SPG7: variants seen among roughly 807,000 people sequenced by gnomAD.
SPG7 encodes SPG7 matrix AAA peptidase subunit, paraplegin, also known as mitochondrial inner membrane m-AAA protease component paraplegin.
In SPG7, 103 loss-of-function variants were observed where a neutral mutation model predicts 81.9. That is an observed-to-expected ratio of 1.26 (90% CI 1.07 to 1.48). SPG7 has a LOEUF of 1.48. Ranked by LOEUF, SPG7 falls within the 40% of genes most tolerant of loss-of-function variation. The probability of loss-of-function intolerance (pLI) is 0.00; values close to 1 mark genes in which losing one functional copy is unlikely to be tolerated. For missense variants in SPG7, 1,241 were observed against 1,087.3 expected, an observed-to-expected ratio of 1.14 and a Z score of -1.99; for synonymous variants, 534 against 444.2, an observed-to-expected ratio of 1.20 and a Z score of -2.54.
rs1488645861 is a variant in SPG7 at position 89,529,518 on chromosome 16, T to C, written c.800T>C (p.Ile267Thr). 1 of 1,614,030 alleles carries C rather than the reference T, an allele frequency of 6.2e-7. No homozygotes were observed. Residue 267 changes from isoleucine (I) to threonine (T), a missense_variant, in exon 6 of 17, where the codon ATC becomes ACC. Coordinates refer to ENST00000645818, the MANE Select transcript of SPG7 (RefSeq NM_003119.4). ...GGGATGACGGCAGTGGGCCTGGCCA[T>C]CCTGTGGTATGTTTTCCGTCTGGCC... ...SVGMTAVGLA[I>T]LWYVFRLAGM...
At chr16:89,534,762 A>G (rs1337557889) in intron 9 of SPG7, among the ~76,000 whole-genome samples, 1 of 152,248 alleles carries the variant, frequency 6.6e-6, no homozygotes, top group East Asian at 1.9e-4. Context: ...AGCTCCCTGA[A>G]GGCTGACTGT....
intron 3 of SPG7, 131 bp from the exon 4 acceptor site, chr16:89,523,875 G>A (rs747192253): frequency 7.9e-6 from 9 of 1,139,868 alleles, no homozygotes; most frequent in Middle Eastern, 1.9e-4. Flanking sequence ...AGAATTGGAG[G>A]AAGTGCAGGA....
intron 9 of SPG7, chr16:89,541,579 C>A: frequency 6.5e-6 from 1 of 154,716 alleles, no homozygotes; most frequent in Non-Finnish European, 1.4e-5. Flanking sequence ...GGTGAGAGCA[C>A]ATAGGAGTGG....
chr16:89,551,917 G>C (rs141341330), intron 13 of SPG7: 1 of 152,292 alleles, frequency 6.6e-6, no homozygotes, highest in Non-Finnish European at 1.5e-5. Context: ...AATTTTTACT[G>C]TATTTGATGG....
At chr16:89,528,145 C>G (rs999847767) in intron 5 of SPG7, among the ~76,000 whole-genome samples, 5 of 150,620 alleles carry the variant, frequency 3.3e-5, no homozygotes, top group African/African-American at 1.2e-4. Flanking sequence ...AATTCCAGCA[C>G]TTTGGGAGGC....
At chr16:89,523,657 C>T (rs375626691) in intron 3 of SPG7, 2 of 467,718 alleles carry the variant, frequency 4.3e-6, no homozygotes, top group Non-Finnish European at 8.5e-6. Context: ...TCACGGCTCA[C>T]TGCAGCTTCA....
intron 8 of SPG7, 78 bp downstream of exon 8, chr16:89,532,144 T>A: frequency 6.8e-7 from 1 of 1,467,362 alleles, no homozygotes; most frequent in Non-Finnish European, 9.4e-7. Context: ...CTCTGGTGTC[T>A]GGACTGAAAG....
At chr16:89,548,561 G>A (rs147119044) in intron 12 of SPG7, 306 of 316,176 alleles carry the variant, frequency 9.7e-4, no homozygotes, top group African/African-American at 6.2e-3. Context: ...GGGGCTCTGC[G>A]GAGAGGTGTG....
chr16:89,537,670 A>G (rs1305697031), intron 9 of SPG7: 3 of 974,366 alleles, frequency 3.1e-6, no homozygotes, highest in Non-Finnish European at 3.7e-6. Context: ...TTGAGTCACC[A>G]TGCCAGGCTC....
chr16:89,532,369 G>T, intron 8 of SPG7, 94 bp from the exon 9 acceptor site: 2 of 1,449,896 alleles, frequency 1.4e-6, no homozygotes, highest in Non-Finnish European at 1.9e-6. Context: ...AGCTTTAGTT[G>T]TCCTTGGTGT....
Position 89,553,960 on chromosome 16 carries a change from T to C in SPG7, c.2103T>C (p.His701=). Reference sequence around the variant, plus strand: ...AAGGCCTGCAGCAGATGATGGACCATGTGAGTCGGCTCTGGCCACACCGCT... The same window carrying C: ...AAGGCCTGCAGCAGATGATGGACCACGTGAGTCGGCTCTGGCCACACCGCT... ...FSQGLQQMMD[H]EARLLVAKAY... The change falls in exon 15 of 17, where the codon CAT becomes CAC. Residue 701 remains histidine (H), a splice_region_variant and synonymous_variant. Transcript: ENST00000645818. The C allele has an allele frequency of 6.2e-7, 1 of 1,610,762 alleles. No homozygotes were observed. The highest frequency in any genetic ancestry group is 8.5e-7 in the Non-Finnish European group (1 of 1,179,944).
At chr16:89,542,609 G>A (rs568067466) in intron 9 of SPG7, among the ~76,000 whole-genome samples, 1 of 152,176 alleles carries the variant, frequency 6.6e-6, no homozygotes, top group East Asian at 1.9e-4. Context: ...TTGCTTGGGA[G>A]TGGGGTGTGT....
At chr16:89,523,918 A>G in intron 3 of SPG7, 88 bp from the exon 4 acceptor site, 1 of 1,552,032 alleles carries the variant, frequency 6.4e-7, no homozygotes, top group Non-Finnish European at 8.8e-7. Context: ...CTCCCCGTCC[A>G]GCTGAGCTTT....
intron 9 of SPG7, chr16:89,536,845 G>C (rs201351572): frequency 2.1e-5 from 34 of 1,614,154 alleles, no homozygotes; most frequent in Middle Eastern, 1.6e-4. Context: ...CTGTCTCACG[G>C]AGCCCACAGG....
Position 89,536,149 on chromosome 16 carries a change from G to T in SPG7, c.1324+3513G>T, listed in dbSNP as rs1426833949. ...AGTGTGGCCTCTCTGGTGCTGTGTGGCCTTCAGTGTGGCCGCTCTGGTGCT... is the reference window on the plus strand; with the variant it reads ...AGTGTGGCCTCTCTGGTGCTGTGTGTCCTTCAGTGTGGCCGCTCTGGTGCT... On this transcript the variant is annotated intron_variant, in intron 9 of 16. Transcript: ENST00000645818. Among the ~76,000 whole-genome samples, 286 of 108,724 alleles carry T rather than the reference G, an allele frequency of 2.6e-3. 2 individuals are homozygous for T. The highest frequency in any genetic ancestry group is 6.1e-3 in the Middle Eastern group (1 of 164). 71.3% of individuals were successfully genotyped at this position (108,724 alleles called of 152,430 possible). A position where few individuals can be genotyped will look rare whatever the true frequency, so the allele number is the denominator to read the frequency against.
At chr16:89,513,665 T>C (rs536400057) in intron 3 of SPG7, among the ~76,000 whole-genome samples, 1 of 152,298 alleles carries the variant, frequency 6.6e-6, no homozygotes, top group South Asian at 2.1e-4. Context: ...GAGGCTCAGC[T>C]TCAGACTCAC....
At chr16:89,515,265 T>A (rs1228249364) in intron 3 of SPG7, among the ~76,000 whole-genome samples, 1 of 149,098 alleles carries the variant, frequency 6.7e-6, no homozygotes, top group Non-Finnish European at 1.5e-5. Flanking sequence ...AACTTTTATT[T>A]TGTATTTATT....
At chr16:89,530,854 C>A in intron 7 of SPG7, 46 bp downstream of exon 7, 1 of 1,612,366 alleles carries the variant, frequency 6.2e-7, no homozygotes, top group Non-Finnish European at 8.5e-7. Flanking sequence ...AGAGGCCGGC[C>A]GTCCTCCTCT....
chr16:89,529,059 G>A (rs374097018), intron 5 of SPG7: 82 of 277,248 alleles, frequency 3.0e-4, no homozygotes, highest in African/African-American at 1.6e-3. Flanking sequence ...TGATTCACCC[G>A]CCACGGCCTC....
Sources: allele counts gnomAD v4.1 joint callset (sites outside exome capture counted in the v4.1 genomes callset), GRCh38; gene constraint gnomAD v4.1.1; transcripts MANE v1.5; gene names NCBI Gene and HGNC (gene_info 2026-07-23, HGNC 2026-07-21).